Variants in ATP6V1H observed in about 807,000 individuals in gnomAD.
ATP6V1H encodes ATPase H+ transporting V1 subunit H.
Under a neutral mutation model 71.7 loss-of-function variants are expected in ATP6V1H, and 39 were observed. The ratio of observed to expected loss-of-function variants is 0.54; its 90% CI spans 0.42 to 0.71. The LOEUF (loss-of-function observed/expected upper bound fraction) is 0.71, where lower values mean the gene tolerates loss of function less well. Among genes scored for constraint, ATP6V1H ranks in the 30% least tolerant of loss-of-function variants. The probability of loss-of-function intolerance (pLI) is 0.00; values close to 1 mark genes in which losing one functional copy is unlikely to be tolerated. For missense variants in ATP6V1H, 509 were observed against 594.9 expected, an observed-to-expected ratio of 0.86 and a Z score of 1.50; for synonymous variants, 192 against 199.3, an observed-to-expected ratio of 0.96 and a Z score of 0.31.
intron 9 of ATP6V1H, among the ~76,000 whole-genome samples, chr8:53,785,589 G>A (rs1043336884): frequency 8.5e-5 from 13 of 152,302 alleles, no homozygotes; most frequent in South Asian, 4.1e-4. Flanking sequence ...GAGGAGCTGC[G>A]TTCCTTTGGA....
chr8:53,784,102 C>T (rs1486649261), intron 9 of ATP6V1H, among the ~76,000 whole-genome samples: 1 of 151,968 alleles, frequency 6.6e-6, no homozygotes, highest in African/African-American at 2.4e-5. Flanking sequence ...ATCTTGTTAA[C>T]TTTCTGTCTA....
intron 13 of ATP6V1H, among the ~76,000 whole-genome samples, chr8:53,737,712 A>G (rs1407369209): frequency 1.3e-5 from 2 of 152,254 alleles, no homozygotes; most frequent in African/African-American, 4.8e-5. Context: ...GTAAAAACAG[A>G]TGATAAACTT....
chr8:53,741,545 C>A (rs543942815), intron 13 of ATP6V1H, among the ~76,000 whole-genome samples: 1 of 152,224 alleles, frequency 6.6e-6, no homozygotes, highest in East Asian at 1.9e-4. Context: ...CTATTAAATG[C>A]CAACATCCTT....
chr8:53,808,149 G>A (rs1375383670), intron 7 of ATP6V1H, among the ~76,000 whole-genome samples: 2 of 152,318 alleles, frequency 1.3e-5, no homozygotes, highest in Non-Finnish European at 2.9e-5. Context: ...CTCATGAATC[G>A]TTCTCTTGCC....
At chr8:53,806,677 ATTG>A (rs1450383417) in intron 7 of ATP6V1H, 1 of 275,462 alleles carries the variant, frequency 3.6e-6, no homozygotes, top group Non-Finnish European at 7.4e-6. Context: ...TTAGCTTATT[ATTG>A]TTATCAGTGC....
chr8:53,839,794 CT>C (rs775149598), intron 2 of ATP6V1H: 26 of 985,318 alleles, frequency 2.6e-5, no homozygotes, highest in Admixed American at 6.2e-5. Flanking sequence ...TCATTTTCAT[CT>C]GTTTTACATG....
At chr8:53,810,761 A>T (rs1020138542) in intron 7 of ATP6V1H, among the ~76,000 whole-genome samples, 2 of 152,126 alleles carry the variant, frequency 1.3e-5, no homozygotes, top group Non-Finnish European at 2.9e-5. Flanking sequence ...AAATAAATAA[A>T]AGTAACTGAA....
intron 13 of ATP6V1H, among the ~76,000 whole-genome samples, chr8:53,733,702 G>A (rs1374443616): frequency 2.0e-5 from 3 of 152,176 alleles, no homozygotes; most frequent in Admixed American, 2.0e-4. Flanking sequence ...GGGTTCTGCA[G>A]GTTATGGATC....
intron 13 of ATP6V1H, among the ~76,000 whole-genome samples, chr8:53,719,003 G>A (rs1806526549): frequency 6.6e-6 from 1 of 152,128 alleles, no homozygotes; most frequent in Non-Finnish European, 1.5e-5. Flanking sequence ...TCCTCCTCAA[G>A]CTTTCTTGAA....
intron 4 of ATP6V1H, among the ~76,000 whole-genome samples, chr8:53,824,219 T>C (rs1428436284): frequency 2.0e-5 from 3 of 152,102 alleles, no homozygotes; most frequent in Admixed American, 2.0e-4. Context: ...GTAGAAGACA[T>C]AGAGAAAGCT....
chr8:53,795,516 A>G (rs1470102492), intron 9 of ATP6V1H, 131 bp downstream of exon 9: 2 of 795,146 alleles, frequency 2.5e-6, no homozygotes, highest in South Asian at 1.7e-5. Context: ...ATTTTACTCT[A>G]TATTCACCAA....
chr8:53,751,593 T>C (rs762450437), intron 12 of ATP6V1H, among the ~76,000 whole-genome samples: 1 of 152,146 alleles, frequency 6.6e-6, no homozygotes, highest in Non-Finnish European at 1.5e-5. Context: ...ACTGAGGTAA[T>C]AGAAAATGGT....
Position 53,769,606 on chromosome 8 carries a change from C to T in ATP6V1H, c.1175+12G>A, listed in dbSNP as rs762009054. ...CAGATATTAAGAGTGTAAAGTAGAACAAAAAACTTACTTCAAGAGTTCATA... is the reference window on the plus strand; with the variant it reads ...CAGATATTAAGAGTGTAAAGTAGAATAAAAAACTTACTTCAAGAGTTCATA... On this transcript the variant is annotated intron_variant, in intron 11 of 13. Transcript: ENST00000359530. The T allele has an allele frequency of 1.5e-5, 24 of 1,608,380 alleles. No homozygotes were observed. In the South Asian group the frequency reaches 1.9e-4, roughly 13 times the overall value.
chr8:53,769,743 A>G lies in ATP6V1H; in HGVS notation c.1050T>C (p.Ser350=), dbSNP rs142433792. The change falls in exon 11 of 14, where the codon AGT becomes AGC. Residue 350 remains serine, a splice_region_variant and synonymous_variant. Transcript: ENST00000359530. ...EKLGESVQDL[S]SFDEYSSELK... ...GTTCTGAACTGTATTCATCAAATGA[A>G]CTATAAAAATGTTCAAAAGAATTCA... 1,048 of 1,598,438 alleles carry G rather than the reference A, an allele frequency of 6.6e-4. 2 individuals carry two copies. Among genetic ancestry groups the G allele is most frequent in the Non-Finnish European group, 8.7e-4 (1,020 of 1,174,074 alleles).
At chr8:53,777,430 G>A (rs1808933362) in intron 9 of ATP6V1H, among the ~76,000 whole-genome samples, 1 of 151,138 alleles carries the variant, frequency 6.6e-6, no homozygotes, top group African/African-American at 2.4e-5. Context: ...AAAAAAGAGA[G>A]AGAAAAATAA....
At chr8:53,808,999 T>TA in intron 7 of ATP6V1H, among the ~76,000 whole-genome samples, 1 of 152,160 alleles carries the variant, frequency 6.6e-6, no homozygotes, top group Non-Finnish European at 1.5e-5. Flanking sequence ...TCTGAAAAGA[T>TA]ATGATTTAAA....
At chr8:53,810,775 C>G (rs1810248166) in intron 7 of ATP6V1H, among the ~76,000 whole-genome samples, 1 of 152,088 alleles carries the variant, frequency 6.6e-6, no homozygotes, top group Non-Finnish European at 1.5e-5. Flanking sequence ...AACTGAATTT[C>G]TTTCAAATGT....
At chr8:53,812,949 C>A (rs911506725) in intron 6 of ATP6V1H, among the ~76,000 whole-genome samples, 2 of 152,114 alleles carry the variant, frequency 1.3e-5, no homozygotes, top group Non-Finnish European at 1.5e-5. Context: ...CCTGCCTCAG[C>A]CTCCCAAAGT....
chr8:53,735,287 G>A (rs780272202), intron 13 of ATP6V1H, among the ~76,000 whole-genome samples: 11 of 152,170 alleles, frequency 7.2e-5, no homozygotes, highest in Non-Finnish European at 1.3e-4. Flanking sequence ...GTGCTTCTCC[G>A]AGATCTTATT....
Sources: allele counts gnomAD v4.1 joint callset (sites outside exome capture counted in the v4.1 genomes callset), GRCh38; gene constraint gnomAD v4.1.1; transcripts MANE v1.5; gene names NCBI Gene and HGNC (gene_info 2026-07-23, HGNC 2026-07-21).